KSR2: variants seen among roughly 807,000 people sequenced by gnomAD.
The protein encoded by KSR2 is kinase suppressor of ras 2.
A neutral mutation model predicts 107.8 loss-of-function variants in KSR2; 25 were observed. The observed-to-expected ratio is 0.23, with a 90% CI of 0.17 to 0.32. The LOEUF (loss-of-function observed/expected upper bound fraction) is 0.32. KSR2 is among the 10% of genes least tolerant of loss of function. The pLI is 1.00. For missense variants in KSR2, 887 were observed against 1,268.9 expected (o/e 0.70, Z 4.57); for synonymous variants, 480 against 507.0 (o/e 0.95, Z 0.71).
intron 4 of KSR2, among the ~76,000 whole-genome samples, chr12:117,755,416 T>A (rs1483439340): frequency 6.6e-6 from 1 of 152,230 alleles, no homozygotes; most frequent in Non-Finnish European, 1.5e-5. Flanking sequence ...TTTCTAACTT[T>A]TTCATTATTA....
intron 3 of KSR2, among the ~76,000 whole-genome samples, chr12:117,836,491 A>G (rs1385627079): frequency 6.6e-6 from 1 of 152,172 alleles, no homozygotes; most frequent in Non-Finnish European, 1.5e-5. Flanking sequence ...AGACAGAGGC[A>G]AAAGCACACA....
At chr12:117,501,243 T>TAAA (rs1433799988) in intron 14 of KSR2, among the ~76,000 whole-genome samples, 1 of 152,226 alleles carries the variant, frequency 6.6e-6, no homozygotes, top group African/African-American at 2.4e-5. Flanking sequence ...TCTACAGCTG[T>TAAA]TTTCATGTTA....
chr12:117,964,907 C>T (rs559964053), intron 1 of KSR2, among the ~76,000 whole-genome samples: 54 of 152,366 alleles, frequency 3.5e-4, no homozygotes, highest in African/African-American at 1.2e-3. Flanking sequence ...TGGCTGCCAT[C>T]GCTGGCTGTC....
intron 1 of KSR2, among the ~76,000 whole-genome samples, chr12:117,934,874 G>A (rs931454678): frequency 6.6e-6 from 1 of 151,920 alleles, no homozygotes; most frequent in South Asian, 2.1e-4. Flanking sequence ...CACCCAGGCT[G>A]GAGTGCAGTG....
intron 4 of KSR2, among the ~76,000 whole-genome samples, chr12:117,693,703 T>C (rs541738052): frequency 1.1e-4 from 17 of 152,318 alleles, no homozygotes; most frequent in African/African-American, 4.1e-4. Flanking sequence ...GCTCATGTAC[T>C]GCCAGGCCCT....
intron 5 of KSR2, among the ~76,000 whole-genome samples, chr12:117,621,885 G>C (rs75357351): frequency 6.6e-6 from 1 of 152,034 alleles, no homozygotes; most frequent in South Asian, 2.1e-4. Flanking sequence ...CTCTACCACT[G>C]TCTCCTACAG....
In KSR2 at chr12:117,466,434, G is replaced by A. The variant is rs761450402; in HGVS notation, c.*765C>T. 1.3e-5 allele frequency: 2 copies of A among 152,182 alleles called. No individual in the cohort carries two copies. Among genetic ancestry groups the A allele is most frequent in the Non-Finnish European group, 2.9e-5 (2 of 68,082 alleles). 9.4% of individuals were successfully genotyped at this position (152,182 alleles called of 1,614,324 possible). On this transcript the variant is annotated 3_prime_UTR_variant, in exon 20 of 20. Coordinates refer to ENST00000339824, the MANE Select transcript of KSR2 (RefSeq NM_173598.6). ...GAGGTGCGGGCAGTGAGGTGAAAAG[G>A]GATGCTACTCTCAGAGAACAGGAGA... is the stretch of plus-strand genomic sequence containing the variant.
intron 5 of KSR2, among the ~76,000 whole-genome samples, chr12:117,598,125 C>T (rs67922416): frequency 0.13 from 20,133 of 152,176 alleles, 1,526 homozygotes; most frequent in African/African-American, 0.2. Flanking sequence ...AGTCTTTTAT[C>T]CCTCAGCTCC....
At position 117,860,316 on chromosome 12, in the gene KSR2, A is replaced by G. The variant is rs750535593; in HGVS notation, c.296T>C (p.Val99Ala). Residue 99 changes from valine (V) to alanine (A), a missense_variant, in exon 2 of 20, where the codon GTC (valine) becomes GCC (alanine). Coordinates refer to ENST00000339824, the MANE Select transcript of KSR2 (RefSeq NM_173598.6). ...CTCCAGGACCTCCTTGCGCACATCG[A>G]CGATTCGGAACCAGTGCCGTAGCTG... is the stretch of plus-strand genomic sequence containing the variant. ...FPQLRHWFRI[V>A]DVRKEVLEEI... 6.2e-7 allele frequency: 1 copy of G among 1,613,642 alleles called. No individual in the cohort carries two copies.
chr12:117,672,092 C>T (rs1225032813), intron 4 of KSR2, among the ~76,000 whole-genome samples: 1 of 152,166 alleles, frequency 6.6e-6, no homozygotes, highest in African/African-American at 2.4e-5. Context: ...CCAGTTATAG[C>T]AGCACATACT....
chr12:117,780,542 T>C (rs1014724371), intron 3 of KSR2, among the ~76,000 whole-genome samples: 15 of 152,108 alleles, frequency 9.9e-5, no homozygotes, highest in African/African-American at 3.4e-4. Context: ...AGAATAGGGG[T>C]TACCAGGGGC....
intron 1 of KSR2, among the ~76,000 whole-genome samples, chr12:117,906,941 C>T (rs1593358748): frequency 6.6e-6 from 1 of 151,858 alleles, no homozygotes; most frequent in African/African-American, 2.4e-5. Flanking sequence ...ATCGCTTGAA[C>T]CCAGGGAGGT....
chr12:117,700,048 C>CTTTT (rs370253048), intron 4 of KSR2, among the ~76,000 whole-genome samples: 1 of 143,690 alleles, frequency 7.0e-6, no homozygotes, highest in Non-Finnish European at 1.5e-5. Flanking sequence ...AATTTTGGTA[C>CTTTT]TTTTTTTTTT....
intron 6 of KSR2, among the ~76,000 whole-genome samples, chr12:117,579,552 T>C (rs1270971950): frequency 6.6e-6 from 1 of 152,218 alleles, no homozygotes; most frequent in Admixed American, 6.5e-5. Flanking sequence ...GTTCAACAAA[T>C]ATTGCCTGGT....
chr12:117,521,801 T>G (rs1874774782), intron 14 of KSR2, among the ~76,000 whole-genome samples: 1 of 152,204 alleles, frequency 6.6e-6, no homozygotes, highest in African/African-American at 2.4e-5. Flanking sequence ...ACCATCAACC[T>G]CTGCCAGCCA....
intron 3 of KSR2, among the ~76,000 whole-genome samples, chr12:117,852,429 A>AAAAT (rs533956774): frequency 4.1e-4 from 62 of 151,080 alleles, no homozygotes; most frequent in Admixed American, 3.3e-3. Context: ...ACTCTGTCTC[A>AAAAT]AAATAAATAA....
intron 16 of KSR2, among the ~76,000 whole-genome samples, chr12:117,479,684 G>A (rs1015596462): frequency 6.6e-6 from 1 of 152,170 alleles, no homozygotes. Context: ...AGTGTTTCAG[G>A]ATTAATAGCA....
In KSR2 at chr12:117,455,604, T is replaced by A. The variant is rs1183700155; in HGVS notation, c.*11595A>T. 2 of 152,204 alleles carry A rather than the reference T, an allele frequency of 1.3e-5. No homozygotes were observed. The highest frequency in any genetic ancestry group is 4.8e-5 in the African/African-American group (2 of 41,438). 9.4% of individuals were successfully genotyped at this position (152,204 alleles called of 1,614,324 possible). ...GGCAGCACCCACTTTTCTCCATTTT[T>A]TCCAGAATCACAGGAGGCACTTAAC... On this transcript the variant is annotated 3_prime_UTR_variant, in exon 20 of 20. Transcript: ENST00000339824.
At chr12:117,927,518 C>G (rs1895564207) in intron 1 of KSR2, among the ~76,000 whole-genome samples, 1 of 151,946 alleles carries the variant, frequency 6.6e-6, no homozygotes, top group Middle Eastern at 3.4e-3. Context: ...ATGGTGAAAC[C>G]CTGTCTCTAC....
Sources: gnomAD v4.1 joint callset for allele counts (sites outside exome capture counted in the v4.1 genomes callset) on GRCh38, gnomAD v4.1.1 for gene constraint, MANE v1.5 for transcripts, NCBI Gene and HGNC (gene_info 2026-07-23, HGNC 2026-07-21) for gene names.